Variants in CDHR2 observed in about 807,000 individuals in gnomAD.
CDHR2 encodes the protein cadherin related family member 2.
CDHR2 carries 104 observed loss-of-function variants against 138.6 expected under a neutral mutation model. The observed-to-expected ratio is 0.75, with a 90% CI of 0.64 to 0.88. The LOEUF is 0.88. Among genes scored for constraint, CDHR2 ranks in the 40% least tolerant of loss-of-function variants. CDHR2 has a pLI of 0.00. For synonymous variants in CDHR2, 755 were observed against 742.8 expected (o/e 1.02, Z -0.27); for missense variants, 1,624 against 1,727.6 (o/e 0.94, Z 1.06).
rs756267929 is a variant in CDHR2 at position 176,575,721 on chromosome 5, C to T, written c.845-3C>T. 4.4e-6 allele frequency: 7 copies of T among 1,583,670 alleles called. No homozygotes were observed. The highest frequency in any genetic ancestry group is 6.0e-6 in the Non-Finnish European group (7 of 1,164,688). ...CCAGCTGTTCCGCCTTTCTCCTTGC[C>T]AGACTCCACGCGGCCCGGCTGGTTT... On this transcript the variant is annotated splice_polypyrimidine_tract_variant and splice_region_variant and intron_variant, in intron 10 of 31. Coordinates refer to ENST00000261944, the MANE Select transcript of CDHR2 (RefSeq NM_017675.6).
chr5:176,591,431 C>T lies in CDHR2; in HGVS notation c.3681C>T (p.Asn1227=), dbSNP rs759249233. Residue 1227 remains asparagine (N), a synonymous_variant, in exon 30 of 32, where the codon AAC becomes AAT. Coordinates refer to ENST00000261944, the MANE Select transcript of CDHR2 (RefSeq NM_017675.6). ...CCAACCCCATGCTGAACCTCCCCAA[C>T]AAAGACCTGGGCTTGGAGTACCTCT... ...ERANPMLNLP[N]KDLGLEYLSP... The T allele has an allele frequency of 1.9e-6, 3 of 1,613,952 alleles. No homozygotes were observed. Among genetic ancestry groups the T allele is most frequent in the African/African-American group, 1.3e-5 (1 of 74,954 alleles).
rs1032277500 is a variant in CDHR2 at position 176,544,000 on chromosome 5, C to T, written c.-16+1231C>T. ...GCGCCGGAGGGTAGCCCCACCGTCC[C>T]CGCCTCCTGGGCGCATTAGGCCAGC... On this transcript the variant is annotated intron_variant, in intron 1 of 31. Coordinates refer to the CDHR2 transcript ENST00000510636. This position sits in a 1 kb window ranked among gnomAD's most constrained non-coding sequence, Gnocchi z 4.0. 3.9e-5 allele frequency among the ~76,000 whole-genome samples: 6 copies of T among 152,250 alleles called. No individual in the cohort carries two copies. The highest frequency in any genetic ancestry group is 1.3e-4 in the Admixed American group (2 of 15,290).
chr5:176,588,659 G>A (rs921512106), intron 21 of CDHR2, among the ~76,000 whole-genome samples: 1 of 150,780 alleles, frequency 6.6e-6, no homozygotes, highest in Non-Finnish European at 1.5e-5. Flanking sequence ...GGGACAGTGT[G>A]TGAGAGTGTG....
rs78301225 is a variant in CDHR2 at position 176,573,786 on chromosome 5, C to T, written c.406-297C>T. Among the ~76,000 whole-genome samples, 137 of 152,258 alleles carry T rather than the reference C, an allele frequency of 9.0e-4. No homozygotes were observed. The East Asian group carries it at 0.018, about 20-fold the overall frequency. On this transcript the variant is annotated intron_variant, in intron 6 of 31. Coordinates refer to ENST00000261944, the MANE Select transcript of CDHR2 (RefSeq NM_017675.6). ...AGAGAGCACATGGGATGTCTGAGTG[C>T]GCAGTGGCACAGTGAGGCTGGGCTC...
chr5:176,572,424 A>T (rs963728085), intron 6 of CDHR2, among the ~76,000 whole-genome samples: 1 of 151,260 alleles, frequency 6.6e-6, no homozygotes, highest in Admixed American at 6.6e-5. Flanking sequence ...TAATAAAAAA[A>T]TTAAAAAATT....
At chr5:176,561,316 A>T (rs1350017277) in intron 1 of CDHR2, among the ~76,000 whole-genome samples, 1 of 152,114 alleles carries the variant, frequency 6.6e-6, no homozygotes, top group Non-Finnish European at 1.5e-5. Context: ...ACTCTGCTCT[A>T]TCTCATGGGT....
intron 1 of CDHR2, among the ~76,000 whole-genome samples, chr5:176,563,519 C>T (rs1758014558): frequency 6.6e-6 from 1 of 152,060 alleles, no homozygotes; most frequent in South Asian, 2.1e-4. Context: ...GCAGTTAGAA[C>T]AGAGTTTCTT....
intron 1 of CDHR2, among the ~76,000 whole-genome samples, chr5:176,559,906 G>T (rs774151507): frequency 6.6e-6 from 1 of 152,132 alleles, no homozygotes; most frequent in African/African-American, 2.4e-5. Flanking sequence ...GTTTAACAGC[G>T]AGGAAATATC....
In CDHR2 at chr5:176,584,188, AG is replaced by A. The variant is rs1194838725; in HGVS notation, c.2059del. ...GGGACTCAGACCTGTCTCTGACTGC[AG>A]GACATCAATGATAACCTGCCCATCT... is the stretch of plus-strand genomic sequence containing the variant. On this transcript the variant is annotated splice_acceptor_variant, in intron 17 of 31. Coordinates refer to ENST00000261944, the MANE Select transcript of CDHR2 (RefSeq NM_017675.6). LOFTEE classifies it high-confidence loss of function. 1 of 1,613,824 alleles carries A rather than the reference AG, an allele frequency of 6.2e-7. No homozygotes were observed. Among genetic ancestry groups the A allele is most frequent in the Non-Finnish European group, 8.5e-7 (1 of 1,179,684 alleles).
At chr5:176,567,657 A>C (rs1758115315) in intron 3 of CDHR2, among the ~76,000 whole-genome samples, 1 of 151,726 alleles carries the variant, frequency 6.6e-6, no homozygotes, top group Non-Finnish European at 1.5e-5. Flanking sequence ...AGGCCTGGTT[A>C]ATTTTTTGTA....
intron 21 of CDHR2, among the ~76,000 whole-genome samples, chr5:176,587,247 C>T (rs909048408): frequency 9.9e-5 from 15 of 151,998 alleles, no homozygotes; most frequent in African/African-American, 3.1e-4. Flanking sequence ...CGGGAGTCTG[C>T]GACCAGCCTG....
chr5:176,570,308 C>CAAA (rs1758194549), intron 5 of CDHR2, among the ~76,000 whole-genome samples: 1 of 152,178 alleles, frequency 6.6e-6, no homozygotes, highest in Non-Finnish European at 1.5e-5. Context: ...ACAAAGCGAA[C>CAAA]GTGCACATTC....
intron 18 of CDHR2, 57 bp downstream of exon 18, chr5:176,584,316 C>G: frequency 4.3e-6 from 7 of 1,613,262 alleles, no homozygotes; most frequent in Non-Finnish European, 5.9e-6. Context: ...GTGGCTTTGT[C>G]AGGGTGGACC....
intron 1 of CDHR2, among the ~76,000 whole-genome samples, chr5:176,558,132 G>A (rs560316901): frequency 3.9e-5 from 6 of 152,258 alleles, no homozygotes; most frequent in East Asian, 1.9e-4. Flanking sequence ...AGCCACTGGC[G>A]TATGATGTTC....
intron 17 of CDHR2, among the ~76,000 whole-genome samples, chr5:176,583,076 C>T (rs1288235595): frequency 2.0e-5 from 3 of 152,158 alleles, no homozygotes; most frequent in Middle Eastern, 3.2e-3. Flanking sequence ...ATGAAGAAAA[C>T]GAAGCAGAAT....
At chr5:176,545,843 C>T (rs1757574988), upstream of CDHR2, among the ~76,000 whole-genome samples, 1 of 152,222 alleles carries the variant, frequency 6.6e-6, no homozygotes, top group African/African-American at 2.4e-5. Flanking sequence ...TGTGTGCTTC[C>T]CAGGCTGCCT....
At chr5:176,581,209 A>T in intron 16 of CDHR2, 134 bp from the exon 17 acceptor site, 1 of 1,163,526 alleles carries the variant, frequency 8.6e-7, no homozygotes, top group Non-Finnish European at 1.2e-6. Context: ...TGGGGCTGGG[A>T]GATGGGCCCA....
At chr5:176,579,859 GC>G (rs949987549) in intron 16 of CDHR2, among the ~76,000 whole-genome samples, 2 of 152,080 alleles carry the variant, frequency 1.3e-5, no homozygotes, top group African/African-American at 4.8e-5. Context: ...CACCATTCCT[GC>G]CCCCCAGGCG....
At chr5:176,547,101 C>T (rs1277738651), upstream of CDHR2, among the ~76,000 whole-genome samples, 1 of 152,028 alleles carries the variant, frequency 6.6e-6, no homozygotes, top group African/African-American at 2.4e-5. Context: ...GCCTCAGCCT[C>T]CTGAGTAGCT....
Sources: allele counts gnomAD v4.1 joint callset (sites outside exome capture counted in the v4.1 genomes callset), GRCh38; gene constraint gnomAD v4.1.1; non-coding constraint Gnocchi (gnomAD v3.1); transcripts MANE v1.5; gene names NCBI Gene and HGNC (gene_info 2026-07-23, HGNC 2026-07-21).